Variants in CNTNAP5 observed in about 807,000 individuals in gnomAD.
The protein encoded by CNTNAP5 is contactin associated protein family member 5.
In CNTNAP5, 72 loss-of-function variants were observed where a neutral mutation model predicts 150.2. That is an observed-to-expected ratio of 0.48 (90% CI 0.40 to 0.58). CNTNAP5 has a LOEUF of 0.58. Among genes scored for constraint, CNTNAP5 ranks in the 20% least tolerant of loss-of-function variants. CNTNAP5 has a pLI of 0.00. For missense variants in CNTNAP5, 1,636 were observed against 1,626.2 expected, an observed-to-expected ratio of 1.01 and a Z score of -0.10; for synonymous variants, 672 against 619.8, an observed-to-expected ratio of 1.08 and a Z score of -1.25.
chr2:124,838,982 T>TAATAAAATATCCATACTAGTAGA (rs1682887030), intron 19 of CNTNAP5, among the ~76,000 whole-genome samples: 1 of 152,114 alleles, frequency 6.6e-6, no homozygotes, highest in South Asian at 2.1e-4. Context: ...AGTCATACAT[T>TAATAAAATATCCATACTAGTAGA]AATAAAATAT....
chr2:124,067,689 A>G (rs1338950436), intron 1 of CNTNAP5, among the ~76,000 whole-genome samples: 2 of 152,164 alleles, frequency 1.3e-5, no homozygotes, highest in Admixed American at 6.6e-5. Context: ...CATAATTTCA[A>G]CTATACTTTT....
At chr2:124,440,802 A>G (rs865977276) in intron 5 of CNTNAP5, among the ~76,000 whole-genome samples, 12 of 152,214 alleles carry the variant, frequency 7.9e-5, no homozygotes, top group African/African-American at 2.4e-4. Context: ...TAGTTTCTGT[A>G]TAGTTTTATT....
At chr2:124,763,233 A>G (rs1436921528) in intron 14 of CNTNAP5, among the ~76,000 whole-genome samples, 1 of 152,166 alleles carries the variant, frequency 6.6e-6, no homozygotes, top group Non-Finnish European at 1.5e-5. Context: ...ACTTGATTAA[A>G]ACCTGTTGGC....
intron 13 of CNTNAP5, among the ~76,000 whole-genome samples, chr2:124,687,767 A>T (rs989989123): frequency 6.6e-6 from 1 of 151,898 alleles, no homozygotes; most frequent in Non-Finnish European, 1.5e-5. Context: ...ATTTTAATGA[A>T]TATAGAATAA....
At chr2:124,041,032 A>G (rs1233982922) in intron 1 of CNTNAP5, among the ~76,000 whole-genome samples, 1 of 152,208 alleles carries the variant, frequency 6.6e-6, no homozygotes, top group Non-Finnish European at 1.5e-5. Context: ...GTCTGAGAAA[A>G]GACCTGGACT....
intron 1 of CNTNAP5, among the ~76,000 whole-genome samples, chr2:124,169,922 C>T (rs555832448): frequency 6.6e-6 from 1 of 152,304 alleles, no homozygotes; most frequent in South Asian, 2.1e-4. Flanking sequence ...AGCCTTCCAC[C>T]ACCCCACATA....
At chr2:124,364,740 C>T (rs139506944) in intron 3 of CNTNAP5, among the ~76,000 whole-genome samples, 2 of 152,258 alleles carry the variant, frequency 1.3e-5, no homozygotes, top group African/African-American at 4.8e-5. Context: ...ACATTGGATT[C>T]AGACATTAAC....
At position 124,790,083 on chromosome 2, in the gene CNTNAP5, C is replaced by A; in HGVS notation, c.2934C>A (p.His978Gln). 2.5e-6 allele frequency: 4 copies of A among 1,613,888 alleles called. No homozygotes were observed. Among genetic ancestry groups the A allele is most frequent in the East Asian group, 2.2e-5 (1 of 44,838 alleles). ...CHNGGKCVEK[H>Q]NGYLCDCTNS... ...ACGGGGGCAAGTGTGTGGAGAAGCA[C>A]AATGGCTACCTGTGTGATTGCACCA... Residue 978 changes from histidine (H) to glutamine (Q), a missense_variant, in exon 18 of 24, where the codon CAC becomes CAA. Transcript: ENST00000682447.
chr2:124,887,044 T>C (rs1382505831), intron 21 of CNTNAP5, among the ~76,000 whole-genome samples: 1 of 152,104 alleles, frequency 6.6e-6, no homozygotes, highest in East Asian at 1.9e-4. Context: ...TGGAGTCTTA[T>C]GCCACCAACT....
rs1269768183 is a variant in CNTNAP5, at chr2:124,914,342, C to T, written c.*54C>T. 3 of 1,257,934 alleles carry T rather than the reference C, an allele frequency of 2.4e-6. No homozygotes were observed. The highest frequency in any genetic ancestry group is 1.5e-5 in the African/African-American group (1 of 67,450). 77.9% of individuals were successfully genotyped at this position (1,257,934 alleles called of 1,614,324 possible). A position where few individuals can be genotyped will look rare whatever the true frequency, so the allele number is the denominator to read the frequency against. ...TTCTTGTTGTTCAATTATCTCCTCC[C>T]CCTCTTCTCTCCTGTCTTTTGATTT... On this transcript the variant is annotated 3_prime_UTR_variant, in exon 24 of 24. Coordinates refer to ENST00000682447, the MANE Select transcript of CNTNAP5 (RefSeq NM_001367498.1).
chr2:124,043,294 G>A (rs926744895), intron 1 of CNTNAP5, among the ~76,000 whole-genome samples: 3 of 152,212 alleles, frequency 2.0e-5, no homozygotes, highest in South Asian at 2.1e-4. Flanking sequence ...GAAGAGGTGG[G>A]ACCTCACAAG....
At chr2:124,556,424 G>T (rs1478243183) in intron 10 of CNTNAP5, among the ~76,000 whole-genome samples, 1 of 151,984 alleles carries the variant, frequency 6.6e-6, no homozygotes, top group African/African-American at 2.4e-5. Context: ...TTTTGTAGGA[G>T]AATAGGAAGG....
chr2:124,133,996 A>G (rs1371519786), intron 1 of CNTNAP5, among the ~76,000 whole-genome samples: 12 of 152,328 alleles, frequency 7.9e-5, no homozygotes, highest in Admixed American at 7.2e-4. Flanking sequence ...AAGTGGCTAA[A>G]GTAGCCTCCT....
At chr2:124,327,682 A>C (rs1355177754) in intron 3 of CNTNAP5, among the ~76,000 whole-genome samples, 1 of 152,176 alleles carries the variant, frequency 6.6e-6, no homozygotes, top group Non-Finnish European at 1.5e-5. Flanking sequence ...ACCAATTGCC[A>C]ATCAGAAAAT....
chr2:124,077,840 C>T (rs1035453465), intron 1 of CNTNAP5, among the ~76,000 whole-genome samples: 3 of 152,166 alleles, frequency 2.0e-5, no homozygotes, highest in African/African-American at 7.2e-5. Context: ...AGGAGTTTGA[C>T]TGTACTCCAA....
At chr2:124,254,142 T>A (rs934218004) in intron 3 of CNTNAP5, among the ~76,000 whole-genome samples, 9 of 152,196 alleles carry the variant, frequency 5.9e-5, no homozygotes, top group African/African-American at 2.2e-4. Flanking sequence ...AGACTCCCAA[T>A]GTCCCTGACA....
intron 19 of CNTNAP5, among the ~76,000 whole-genome samples, chr2:124,817,445 A>C (rs1682388995): frequency 6.6e-6 from 1 of 152,190 alleles, no homozygotes; most frequent in Non-Finnish European, 1.5e-5. Context: ...AAAAAAAACA[A>C]AAGCCCTGAG....
intron 16 of CNTNAP5, among the ~76,000 whole-genome samples, chr2:124,769,622 T>C (rs1165553868): frequency 6.6e-6 from 1 of 152,238 alleles, no homozygotes; most frequent in Non-Finnish European, 1.5e-5. Context: ...CCTGTTATAC[T>C]GGGCCACAGT....
At chr2:124,583,676 G>A (rs970190286) in intron 11 of CNTNAP5, among the ~76,000 whole-genome samples, 4 of 152,182 alleles carry the variant, frequency 2.6e-5, no homozygotes, top group Non-Finnish European at 5.9e-5. Context: ...TTGGAAGGGG[G>A]AAGGGAGGCT....
Sources: gnomAD v4.1 joint callset for allele counts (sites outside exome capture counted in the v4.1 genomes callset) on GRCh38, gnomAD v4.1.1 for gene constraint, MANE v1.5 for transcripts, NCBI Gene and HGNC (gene_info 2026-07-23, HGNC 2026-07-21) for gene names.